SACS: variants seen among roughly 807,000 people sequenced by gnomAD.
SACS encodes the protein sacsin molecular chaperone.
In SACS, 197 loss-of-function variants were observed where a neutral mutation model predicts 348.0. The observed-to-expected ratio is 0.57, with a 90% CI of 0.50 to 0.64. SACS has a LOEUF of 0.64. SACS is among the 30% of genes least tolerant of loss of function. SACS has a pLI of 0.00. For synonymous variants in SACS, 1,985 were observed against 1,910.6 expected (o/e 1.04, Z -1.02); for missense variants, 4,999 against 5,360.8 (o/e 0.93, Z 2.11).
rs1284477218 is a variant in SACS at position 23,383,689 on chromosome 13, A to G, written c.21-8420T>C. On this transcript the variant is annotated intron_variant, in intron 2 of 9. Coordinates refer to ENST00000382292, the MANE Select transcript of SACS (RefSeq NM_014363.6). ...ACTTCAAAATTGTCTCTCTCCCCCC[A>G]ACACTGTTTAAGGAAAAACGGCAAT... 3.3e-5 allele frequency among the ~76,000 whole-genome samples: 5 copies of G among 152,176 alleles called. No homozygotes were observed. The East Asian group carries it at 7.7e-4, about 24-fold the overall frequency.
intron 2 of SACS, among the ~76,000 whole-genome samples, chr13:23,383,432 A>T (rs971309767): frequency 6.6e-5 from 10 of 152,170 alleles, no homozygotes; most frequent in African/African-American, 2.4e-4. Context: ...CCTCCCCAGC[A>T]TCAAGATATT....
At chr13:23,381,727 AT>A (rs1872066615) in intron 2 of SACS, among the ~76,000 whole-genome samples, 1 of 152,200 alleles carries the variant, frequency 6.6e-6, no homozygotes, top group Non-Finnish European at 1.5e-5. Flanking sequence ...TGTTTTTATC[AT>A]ATTGTATTTT....
chr13:23,403,093 G>A (rs139847512), intron 2 of SACS, among the ~76,000 whole-genome samples: 7,545 of 151,640 alleles, frequency 0.05, 449 homozygotes, highest in African/African-American at 0.13. Context: ...CAGGAGAATC[G>A]CTTGAACCCA....
chr13:23,356,134 C>A, intron 7 of SACS, 127 bp from the exon 8 acceptor site: 1 of 742,224 alleles, frequency 1.3e-6, no homozygotes, highest in South Asian at 1.8e-5. Context: ...TAAACACAAA[C>A]TTAATTTACC....
chr13:23,385,418 G>A (rs561953084), intron 2 of SACS, among the ~76,000 whole-genome samples: 2 of 151,568 alleles, frequency 1.3e-5, no homozygotes, highest in African/African-American at 4.9e-5. Context: ...GGAGTGCAAG[G>A]GTGTGATCCT....
At position 23,368,429 on chromosome 13, in the gene SACS, T is replaced by G. The variant is rs946084400; in HGVS notation, c.318A>C (p.Arg106Ser). ...LVDFLKDILR[R>S]YPEGGQILKE... Reference sequence around the variant, plus strand: ...TAAGAATCTGTCCTCCTTCTGGATATCTTCTCAAAATGTCCTTGAGAAAAT... The same window carrying G: ...TAAGAATCTGTCCTCCTTCTGGATAGCTTCTCAAAATGTCCTTGAGAAAAT... The change falls in exon 5 of 10, where the codon AGA becomes AGC. Residue 106 changes from arginine (R) to serine (S), a missense_variant. Physicochemically the swap from Arg to Ser is moderately radical, Grantham distance 110 (BLOSUM62 -1). Transcript: ENST00000382292. The G allele has an allele frequency of 1.9e-6, 3 of 1,612,888 alleles. No individual in the cohort carries two copies. In the African/African-American group the frequency reaches 4.0e-5, roughly 22 times the overall value.
In SACS at chr13:23,339,692, A is replaced by G. The variant is rs750248107; in HGVS notation, c.4184T>C (p.Ile1395Thr). The G allele has an allele frequency of 1.2e-6, 2 of 1,614,084 alleles. No homozygotes were observed. The highest frequency in any genetic ancestry group is 2.2e-5 in the South Asian group (2 of 91,064). ...KNPSKLIMKP[I>T]HECCYCDIKV... ...AATGTCACAATAACAGCATTCGTGA[A>G]TTGGCTTCATGATAAGTTTAGAAGG... Residue 1395 changes from isoleucine (I) to threonine (T), a missense_variant, in exon 10 of 10, where the codon ATT (isoleucine) becomes ACT (threonine). Physicochemically the swap from Ile to Thr is moderately conservative, Grantham distance 89. Around this residue, in one of 6 missense-constraint regions of SACS, gnomAD observed 3,156 missense variants for 3,380.1 expected, o/e 0.93. Coordinates refer to ENST00000382292, the MANE Select transcript of SACS (RefSeq NM_014363.6).
chr13:23,340,125 T>G lies in SACS; in HGVS notation c.3751A>C (p.Ile1251Leu), dbSNP rs758352432. ...SDEDYYQFQH[I>L]LLEIYGFMHD... The stretch of plus-strand genomic sequence containing the variant: ...ATGAATCCGTAAATCTCAAGCAAAA[T>G]ATGCTGGAATTGATAGTAGTCTTCA... The change falls in exon 10 of 10, where the codon ATT (isoleucine) becomes CTT (leucine). Residue 1251 changes from isoleucine (I) to leucine (L), a missense_variant. Ile to Leu is a conservative substitution (Grantham distance 5). Transcript: ENST00000382292. 2.7e-5 allele frequency: 43 copies of G among 1,613,786 alleles called. No individual in the cohort carries two copies. The highest frequency in any genetic ancestry group is 3.6e-5 in the Non-Finnish European group (42 of 1,179,918).
intron 6 of SACS, among the ~76,000 whole-genome samples, chr13:23,363,330 C>T (rs558279072): frequency 2.5e-4 from 38 of 149,062 alleles, no homozygotes; most frequent in Admixed American, 1.8e-3. Context: ...CAGGTTCAAG[C>T]GATTCTCCTG....
intron 2 of SACS, among the ~76,000 whole-genome samples, chr13:23,392,528 C>A (rs1422885649): frequency 1.3e-5 from 2 of 152,162 alleles, no homozygotes; most frequent in Non-Finnish European, 2.9e-5. Context: ...GTCATAACAA[C>A]AATGGTTGCC....
chr13:23,363,248 A>T (rs950182545), intron 6 of SACS, among the ~76,000 whole-genome samples: 1 of 146,594 alleles, frequency 6.8e-6, no homozygotes, highest in Non-Finnish European at 1.5e-5. Flanking sequence ...TATTTTTGAG[A>T]CACAGTTTCG....
intron 2 of SACS, among the ~76,000 whole-genome samples, chr13:23,403,003 T>C (rs376009022): frequency 0.011 from 1,640 of 152,082 alleles, 24 homozygotes; most frequent in African/African-American, 0.038. Flanking sequence ...GATGAAACCC[T>C]GTCTCTACTA....
At position 23,328,895 on chromosome 13, in the gene SACS, G is replaced by T. The variant is rs182506876; in HGVS notation, c.*1241C>A. 4 of 152,644 alleles carry T rather than the reference G, an allele frequency of 2.6e-5. No homozygotes were observed. Among genetic ancestry groups the T allele is most frequent in the Admixed American group, 2.6e-4 (4 of 15,288 alleles). The allele number at this position is 152,644 out of a possible 1,614,324, so 9.5% of individuals were successfully genotyped here. A position where few individuals can be genotyped will look rare whatever the true frequency, so the allele number is the denominator to read the frequency against. ...TATATAACAGCAGAAATAATTACATGATTTCACATCCAGAAGCAATAAAAT... is the reference window on the plus strand; with the variant it reads ...TATATAACAGCAGAAATAATTACATTATTTCACATCCAGAAGCAATAAAAT... On this transcript the variant is annotated 3_prime_UTR_variant, in exon 10 of 10. Coordinates refer to ENST00000382292, the MANE Select transcript of SACS (RefSeq NM_014363.6).
At chr13:23,365,475 C>T (rs567994286) in intron 5 of SACS, among the ~76,000 whole-genome samples, 198 bp from the exon 6 acceptor site, 3 of 152,094 alleles carry the variant, frequency 2.0e-5, no homozygotes, top group Admixed American at 6.6e-5. Flanking sequence ...GTTGAAAAGT[C>T]CTTCTCCAAT....
chr13:23,395,644 C>T (rs182244010), intron 2 of SACS, among the ~76,000 whole-genome samples: 1 of 152,156 alleles, frequency 6.6e-6, no homozygotes, highest in Non-Finnish European at 1.5e-5. Context: ...TCAAAGGACC[C>T]CCAAAAGCAA....
At chr13:23,424,652 A>G (rs1405749885) in intron 1 of SACS, among the ~76,000 whole-genome samples, 1 of 152,212 alleles carries the variant, frequency 6.6e-6, no homozygotes, top group Non-Finnish European at 1.5e-5. Flanking sequence ...AAATGAATGG[A>G]ACCTGTGTTT....
chr13:23,368,635 G>C, intron 4 of SACS, 148 bp from the exon 5 acceptor site: 3 of 649,826 alleles, frequency 4.6e-6, no homozygotes, highest in Middle Eastern at 3.1e-4. Context: ...AAATCTACCT[G>C]ACGAAGCAAT....
intron 1 of SACS, among the ~76,000 whole-genome samples, chr13:23,412,542 T>A (rs891081035): frequency 2.0e-5 from 3 of 151,540 alleles, no homozygotes; most frequent in African/African-American, 7.3e-5. Context: ...GCCTCCTGAG[T>A]AGCTGGGATT....
chr13:23,331,421 TC>T lies in SACS; in HGVS notation c.12454del (p.Glu4152AsnfsTer22). On this transcript the variant is annotated frameshift_variant, in exon 10 of 10. Coordinates refer to ENST00000382292, the MANE Select transcript of SACS (RefSeq NM_014363.6). LOFTEE classifies it high-confidence loss of function. ...AATTGGTGTGCCAGGCATTGGAAGT[TC>T]CAGTTTTGATGGCTCCGAAGAGTCA... ...KYDSSEPSKL[E>X]LPMPGTPIPA... 6.2e-7 allele frequency: 1 copy of T among 1,614,056 alleles called. No homozygotes were observed. Among genetic ancestry groups the T allele is most frequent in the East Asian group, 2.2e-5 (1 of 44,882 alleles).
Sources: allele counts gnomAD v4.1 joint callset (sites outside exome capture counted in the v4.1 genomes callset), GRCh38; gene constraint gnomAD v4.1.1; regional missense constraint gnomAD v4.1.1; transcripts MANE v1.5; gene names NCBI Gene and HGNC (gene_info 2026-07-23, HGNC 2026-07-21).